Variants in MIPEP observed in about 807,000 individuals in gnomAD.
MIPEP encodes the protein mitochondrial intermediate peptidase.
In MIPEP, 79 loss-of-function variants were observed where a neutral mutation model predicts 90.3. The observed-to-expected ratio is 0.87, with a 90% CI of 0.73 to 1.05. The LOEUF (loss-of-function observed/expected upper bound fraction) is 1.05. Among genes scored for constraint, MIPEP ranks in the 50% least tolerant of loss-of-function variants. The probability of loss-of-function intolerance (pLI) is 0.00; values close to 1 mark genes in which losing one functional copy is unlikely to be tolerated. For synonymous variants in MIPEP, 334 were observed against 315.8 expected (o/e 1.06, Z -0.61); for missense variants, 940 against 905.6 (o/e 1.04, Z -0.49).
At chr13:23,797,781 G>A (rs1449690595) in intron 16 of MIPEP, among the ~76,000 whole-genome samples, 1 of 152,170 alleles carries the variant, frequency 6.6e-6, no homozygotes, top group African/African-American at 2.4e-5. Context: ...AATTAAAAAC[G>A]AGGATCCCAA....
In MIPEP at chr13:23,886,344, C is replaced by G. The variant is rs1871479559; in HGVS notation, c.352G>C (p.Val118Leu). ...FDELSDSLCR[V>L]ADLADFVKIA... Reference sequence around the variant, plus strand: ...GTAAAGCACCTTACCAAGTCGGCCACTCTGCATAAGGAATCCGAGAGCTCA... The same window carrying G: ...GTAAAGCACCTTACCAAGTCGGCCAGTCTGCATAAGGAATCCGAGAGCTCA... The change falls in exon 2 of 19, where the codon GTG becomes CTG. Residue 118 changes from valine (V) to leucine (L), a missense_variant. By Grantham distance (32) the Val-to-Leu change is conservative. Transcript: ENST00000382172. The G allele has an allele frequency of 1.3e-6, 2 of 1,547,480 alleles. No individual in the cohort carries two copies. The highest frequency in any genetic ancestry group is 3.8e-5 in the Admixed American group (2 of 52,132).
chr13:23,822,891 T>TC (rs1953324718), intron 14 of MIPEP, among the ~76,000 whole-genome samples: 1 of 151,640 alleles, frequency 6.6e-6, no homozygotes, highest in African/African-American at 2.4e-5. Flanking sequence ...TCTGGGCGCT[T>TC]CTTTTTTTTT....
intron 4 of MIPEP, 63 bp downstream of exon 4, chr13:23,879,205 A>G: frequency 1.1e-6 from 1 of 950,730 alleles, no homozygotes; most frequent in Admixed American, 2.0e-5. Flanking sequence ...GCCCTGAGGG[A>G]GAGTCTCCCA....
Position 23,799,000 on chromosome 13 carries a change from G to GTTT in MIPEP, c.1848+6947_1848+6949dup, listed in dbSNP as rs765292524. On this transcript the variant is annotated intron_variant, in intron 16 of 18. Transcript: ENST00000382172. ...AGGGTAAATTAGAATAATTTTTTTGGTTTTTTTTTTTTTTTTTTTTTTTGA... is the reference window on the plus strand; with the variant it reads ...AGGGTAAATTAGAATAATTTTTTTGGTTTTTTTTTTTTTTTTTTTTTTTTTTGA... Among the ~76,000 whole-genome samples, 238 of 88,868 alleles carry GTTT rather than the reference G, an allele frequency of 2.7e-3. 5 individuals are homozygous for GTTT. Among genetic ancestry groups the GTTT allele is most frequent in the Middle Eastern group, 9.8e-3 (1 of 102 alleles). The allele number at this position is 88,868 out of a possible 152,430, so 58.3% of individuals were successfully genotyped here.
chr13:23,826,472 C>A (rs1383028117), intron 14 of MIPEP, among the ~76,000 whole-genome samples: 6 of 151,954 alleles, frequency 3.9e-5, no homozygotes, highest in Non-Finnish European at 8.8e-5. Flanking sequence ...ACCAGATAGA[C>A]CAATTAATTA....
At chr13:23,824,569 G>A (rs1054994072) in intron 14 of MIPEP, among the ~76,000 whole-genome samples, 4 of 152,214 alleles carry the variant, frequency 2.6e-5, no homozygotes, top group African/African-American at 9.7e-5. Context: ...CAGCAGCTCT[G>A]ATTTCCCAGC....
At chr13:23,762,461 C>T (rs911000723) in intron 16 of MIPEP, among the ~76,000 whole-genome samples, 1 of 152,160 alleles carries the variant, frequency 6.6e-6, no homozygotes, top group Non-Finnish European at 1.5e-5. Flanking sequence ...TGCTTGGGCT[C>T]GGCAAGGGCT....
At chr13:23,793,214 T>C (rs1442221287) in intron 16 of MIPEP, among the ~76,000 whole-genome samples, 3 of 152,344 alleles carry the variant, frequency 2.0e-5, no homozygotes, top group East Asian at 3.9e-4. Flanking sequence ...ATAAATAAGT[T>C]GTGGCATACT....
intron 18 of MIPEP, among the ~76,000 whole-genome samples, chr13:23,734,138 C>T (rs1399710242): frequency 6.6e-6 from 1 of 152,176 alleles, no homozygotes. Context: ...GTAGGGAAAA[C>T]ATTTAATTAA....
intron 16 of MIPEP, among the ~76,000 whole-genome samples, chr13:23,778,713 C>CAATAATAATAAT (rs10687980): frequency 1.1e-3 from 169 of 151,010 alleles, no homozygotes; most frequent in African/African-American, 3.7e-3. Flanking sequence ...ATTATACTGA[C>CAATAATAATAAT]AATAATAATA....
In MIPEP at chr13:23,734,730, G is replaced by A. The variant is rs1219916585; in HGVS notation, c.2045-4285C>T. ...GAGCCCTAGCTGCTGTTCCCCATTC[G>A]ACGCCCCTTTCCAGCAGGAAGTAGC... On this transcript the variant is annotated intron_variant, in intron 18 of 18. Transcript: ENST00000382172. Among the ~76,000 whole-genome samples the A allele has an allele frequency of 2.0e-5, 3 of 152,178 alleles. No homozygotes were observed. The East Asian group carries it at 5.8e-4, about 29-fold the overall frequency.
At chr13:23,733,352 A>G (rs1952225597) in intron 18 of MIPEP, among the ~76,000 whole-genome samples, 2 of 152,166 alleles carry the variant, frequency 1.3e-5, no homozygotes, top group African/African-American at 4.8e-5. Flanking sequence ...TATGCTGACC[A>G]AGAAGTGGTC....
intron 18 of MIPEP, among the ~76,000 whole-genome samples, chr13:23,745,692 C>T (rs975924887): frequency 1.3e-5 from 2 of 152,062 alleles, no homozygotes; most frequent in African/African-American, 4.8e-5. Flanking sequence ...CTCTGGGAGG[C>T]CGAGGCGGGC....
intron 14 of MIPEP, among the ~76,000 whole-genome samples, chr13:23,831,383 C>CGGGGGGAGGGGGGGGGGGGGGGGGG (rs1555237541): frequency 2.4e-5 from 1 of 40,854 alleles, no homozygotes; most frequent in Non-Finnish European, 5.9e-5. Flanking sequence ...TTCCCCATGG[C>CGGGGGGAGGGGGGGGGGGGGGGGGG]GGGGGGGGGA....
intron 10 of MIPEP, among the ~76,000 whole-genome samples, chr13:23,843,301 T>C (rs1869385866): frequency 6.6e-6 from 1 of 151,912 alleles, no homozygotes; most frequent in Non-Finnish European, 1.5e-5. Flanking sequence ...GTAGAAAGAA[T>C]GGGAGCGGAG....
intron 18 of MIPEP, among the ~76,000 whole-genome samples, chr13:23,743,970 T>C (rs1420908972): frequency 6.6e-6 from 1 of 152,240 alleles, no homozygotes; most frequent in Non-Finnish European, 1.5e-5. Context: ...TTGGCTATTA[T>C]TCTGGGCTGC....
intron 16 of MIPEP, among the ~76,000 whole-genome samples, chr13:23,791,643 T>C (rs750240219): frequency 1.2e-4 from 18 of 152,208 alleles, no homozygotes; most frequent in Non-Finnish European, 2.5e-4. Context: ...TCAGTCTTAA[T>C]AGATCTTTCC....
intron 3 of MIPEP, among the ~76,000 whole-genome samples, chr13:23,880,890 A>G: frequency 6.6e-6 from 1 of 152,088 alleles, no homozygotes; most frequent in Non-Finnish European, 1.5e-5. Flanking sequence ...GGCATATGAA[A>G]TTGTCTTATC....
At chr13:23,827,701 G>C (rs1006730522) in intron 14 of MIPEP, among the ~76,000 whole-genome samples, 2 of 152,290 alleles carry the variant, frequency 1.3e-5, no homozygotes, top group African/African-American at 4.8e-5. Context: ...AAACTATGAG[G>C]TGGGTGGATC....
Sources: allele counts gnomAD v4.1 joint callset (sites outside exome capture counted in the v4.1 genomes callset), GRCh38; gene constraint gnomAD v4.1.1; transcripts MANE v1.5; gene names NCBI Gene and HGNC (gene_info 2026-07-23, HGNC 2026-07-21).